Variants in PPARGC1A observed in about 807,000 individuals in gnomAD.
PPARGC1A encodes the protein PPARG coactivator 1 alpha.
In PPARGC1A, 25 loss-of-function variants were observed where a neutral mutation model predicts 88.7. That is an observed-to-expected ratio of 0.28 (90% CI 0.21 to 0.39). The LOEUF is 0.39. Among genes scored for constraint, PPARGC1A ranks in the 10% least tolerant of loss-of-function variants. The pLI, the probability that PPARGC1A is intolerant of heterozygous loss-of-function variation, is 1.00. For missense variants in PPARGC1A, 880 were observed against 968.7 expected (o/e 0.91, Z 1.22); for synonymous variants, 363 against 355.6 (o/e 1.02, Z -0.24).
chr4:24,179,998 T>A, the PPARGC1A span, among the ~76,000 whole-genome samples: 1 of 152,192 alleles, frequency 6.6e-6, no homozygotes, highest in Non-Finnish European at 1.5e-5. Flanking sequence ...AGGAGTGTTG[T>A]CTCTCTAGGA....
chr4:24,046,264 C>T, the PPARGC1A span, among the ~76,000 whole-genome samples: 4 of 152,288 alleles, frequency 2.6e-5, no homozygotes, highest in African/African-American at 9.6e-5. Context: ...ATTTCCCCCT[C>T]ACAAGTTTCT....
chr4:24,194,504 G>T, the PPARGC1A span, among the ~76,000 whole-genome samples: 13 of 151,908 alleles, frequency 8.6e-5, no homozygotes, highest in Non-Finnish European at 1.9e-4. Flanking sequence ...TAAATCACTC[G>T]CACTAAGTAT....
At chr4:24,006,091 C>T in the PPARGC1A span, among the ~76,000 whole-genome samples, 1 of 152,088 alleles carries the variant, frequency 6.6e-6, no homozygotes, top group Non-Finnish European at 1.5e-5. Flanking sequence ...CACTCTGTCA[C>T]CCAGGCTAGA....
At chr4:24,283,091 T>C in the PPARGC1A span, among the ~76,000 whole-genome samples, 14 of 152,190 alleles carry the variant, frequency 9.2e-5, no homozygotes, top group Non-Finnish European at 1.8e-4. Context: ...AAGGTGAAGA[T>C]ATATGACTGA....
At chr4:23,993,577 C>A in the PPARGC1A span, among the ~76,000 whole-genome samples, 2 of 152,106 alleles carry the variant, frequency 1.3e-5, no homozygotes, top group African/African-American at 2.4e-5. Flanking sequence ...TGAGCCAGGG[C>A]CCATTATCAT....
the PPARGC1A span, among the ~76,000 whole-genome samples, chr4:23,926,053 T>G: frequency 0.019 from 2,842 of 152,292 alleles, 87 homozygotes; most frequent in South Asian, 0.15. Context: ...ATGCTGCTTC[T>G]CAGTGTTTCA....
the PPARGC1A span, among the ~76,000 whole-genome samples, chr4:24,240,955 T>C: frequency 2.2e-4 from 34 of 152,208 alleles, no homozygotes; most frequent in East Asian, 2.3e-3. Context: ...CATCCAAAGA[T>C]ACAAAATATT....
intron 2 of PPARGC1A, among the ~76,000 whole-genome samples, chr4:23,863,752 G>A (rs1731661434): frequency 6.6e-6 from 1 of 152,042 alleles, no homozygotes; most frequent in Non-Finnish European, 1.5e-5. Context: ...TATCTTTTTT[G>A]TTGTTGTTTT....
the PPARGC1A span, among the ~76,000 whole-genome samples, chr4:24,415,296 T>A: frequency 6.6e-6 from 1 of 152,068 alleles, no homozygotes; most frequent in Non-Finnish European, 1.5e-5. Context: ...AGGGACTATC[T>A]CCAGACTTTA....
chr4:23,889,223 G>A, intron 1 of PPARGC1A: 3 of 985,376 alleles, frequency 3.0e-6, no homozygotes, highest in Non-Finnish European at 3.6e-6. Flanking sequence ...GCTCTCCGTG[G>A]TACAGGAAGA....
chr4:24,054,259 G>C, the PPARGC1A span, among the ~76,000 whole-genome samples: 1 of 151,110 alleles, frequency 6.6e-6, no homozygotes, highest in Admixed American at 6.6e-5. Context: ...ACTGAGGAGA[G>C]GTGGTGTCTG....
the PPARGC1A span, among the ~76,000 whole-genome samples, chr4:23,910,952 C>G: frequency 0.017 from 2,554 of 151,958 alleles, 67 homozygotes; most frequent in African/African-American, 0.057. Context: ...CCCCTCAACC[C>G]CCACCCAAAC....
intron 5 of PPARGC1A, among the ~76,000 whole-genome samples, chr4:23,828,059 A>G (rs1367560846): frequency 6.6e-6 from 1 of 152,210 alleles, no homozygotes; most frequent in Non-Finnish European, 1.5e-5. Flanking sequence ...TAAAAGCTCT[A>G]TAATGAATTG....
At chr4:24,193,895 G>A in the PPARGC1A span, among the ~76,000 whole-genome samples, 4 of 152,102 alleles carry the variant, frequency 2.6e-5, no homozygotes, top group South Asian at 2.1e-4. Flanking sequence ...TTGGGAGGCC[G>A]AGGTGGGTGG....
chr4:23,827,767 T>C (rs552442313), intron 5 of PPARGC1A, among the ~76,000 whole-genome samples: 7 of 152,200 alleles, frequency 4.6e-5, no homozygotes, highest in African/African-American at 1.7e-4. Flanking sequence ...AAATCTTTAT[T>C]TACAGAATAA....
Position 23,795,692 on chromosome 4 carries a change from G to T in PPARGC1A, c.*130C>A. 1.6e-6 allele frequency: 1 copy of T among 620,722 alleles called. No homozygotes were observed. 38.5% of individuals were successfully genotyped at this position (620,722 alleles called of 1,614,324 possible). ...GTTCTTGTTGTATTGTTGTTGTTTTGTTTTGTTTTTGTACAGAGAGTGTAA... is the reference window on the plus strand; with the variant it reads ...GTTCTTGTTGTATTGTTGTTGTTTTTTTTTGTTTTTGTACAGAGAGTGTAA... On this transcript the variant is annotated 3_prime_UTR_variant, in exon 13 of 13. Transcript: ENST00000264867.
the PPARGC1A span, among the ~76,000 whole-genome samples, chr4:24,461,785 T>C: frequency 2.0e-5 from 3 of 152,172 alleles, no homozygotes; most frequent in Non-Finnish European, 4.4e-5. Flanking sequence ...ACACTTTCCT[T>C]CTGCCTCAAA....
chr4:24,153,138 A>G, the PPARGC1A span, among the ~76,000 whole-genome samples: 1 of 152,196 alleles, frequency 6.6e-6, no homozygotes, highest in East Asian at 1.9e-4. Flanking sequence ...AGGTAACTAT[A>G]GAGGAGCATA....
intron 1 of PPARGC1A, among the ~76,000 whole-genome samples, chr4:23,887,317 C>A (rs944435462): frequency 6.6e-6 from 1 of 152,284 alleles, no homozygotes; most frequent in Middle Eastern, 3.4e-3. Flanking sequence ...CATTATCCTG[C>A]TAATCTAAAA....
Sources: allele counts gnomAD v4.1 joint callset (sites outside exome capture counted in the v4.1 genomes callset), GRCh38; gene constraint gnomAD v4.1.1; transcripts MANE v1.5; gene names NCBI Gene and HGNC (gene_info 2026-07-23, HGNC 2026-07-21).